The following GABARAPL2 variants were observed in gnomAD, a reference collection of about 807,000 sequenced individuals.
The protein encoded by GABARAPL2 is GABA type A receptor associated protein like 2, also known as gamma-aminobutyric acid receptor-associated protein-like 2.
In GABARAPL2, 11 loss-of-function variants were observed where a neutral mutation model predicts 16.9. The ratio of observed to expected loss-of-function variants is 0.65; its 90% CI spans 0.41 to 1.08. The LOEUF is 1.08. Among genes scored for constraint, GABARAPL2 ranks in the 50% least tolerant of loss-of-function variants. GABARAPL2 has a pLI of 0.00. For synonymous variants in GABARAPL2, 57 were observed against 50.7 expected (o/e 1.12, Z -0.53); for missense variants, 134 against 142.5 (o/e 0.94, Z 0.30).
chr16:75,570,128 C>G (rs931904408), intron 3 of GABARAPL2, among the ~76,000 whole-genome samples: 7 of 152,022 alleles, frequency 4.6e-5, no homozygotes, highest in Non-Finnish European at 7.4e-5. Context: ...CAGAGTCTCA[C>G]TCTGTTGCCC....
intron 3 of GABARAPL2, among the ~76,000 whole-genome samples, chr16:75,568,770 T>C (rs752019974): frequency 6.6e-6 from 1 of 152,262 alleles, no homozygotes; most frequent in African/African-American, 2.4e-5. Flanking sequence ...TGTCAGACTA[T>C]TGTGCTGCCT....
chr16:75,566,976 G>A (rs894360505), intron 2 of GABARAPL2, 69 bp downstream of exon 2: 1 of 1,286,256 alleles, frequency 7.8e-7, no homozygotes, highest in African/African-American at 1.5e-5. Context: ...TAGGCCCCAG[G>A]CCATTCAACA....
intron 2 of GABARAPL2, 66 bp downstream of exon 2, chr16:75,566,973 C>G: frequency 7.6e-7 from 1 of 1,311,460 alleles, no homozygotes; most frequent in Non-Finnish European, 1.1e-6. Context: ...TGATAGGCCC[C>G]AGGCCATTCA....
chr16:75,568,132 G>C lies in GABARAPL2; in HGVS notation c.186G>C (p.Trp62Cys). The C allele has an allele frequency of 6.2e-7, 1 of 1,613,116 alleles. No homozygotes were observed. The highest frequency in any genetic ancestry group is 8.5e-7 in the Non-Finnish European group (1 of 1,179,070). ...ATATCACTGTGGCTCAGTTCATGTGGATCATCAGGAAAAGGATCCAGCTTC... is the reference window on the plus strand; with the variant it reads ...ATATCACTGTGGCTCAGTTCATGTGCATCATCAGGAAAAGGATCCAGCTTC... ...PSDITVAQFM[W>C]IIRKRIQLPS... is the part of the protein sequence containing the mutation. Residue 62 changes from tryptophan (W) to cysteine (C), a missense_variant, in exon 3 of 4, where the codon TGG becomes TGC. Transcript: ENST00000037243.
chr16:75,577,510 G>C lies in GABARAPL2; in HGVS notation c.*141G>C. ...GGATTTATTTCTTAATATATTGGAA[G>C]GTTTTGTTTCCTTAGACTAGTAAAT... On this transcript the variant is annotated 3_prime_UTR_variant, in exon 4 of 4. Coordinates refer to ENST00000037243, the MANE Select transcript of GABARAPL2 (RefSeq NM_007285.7). 1 of 603,390 alleles carries C rather than the reference G, an allele frequency of 1.7e-6. No individual in the cohort carries two copies. The highest frequency in any genetic ancestry group is 2.7e-5 in the East Asian group (1 of 36,666). 37.4% of individuals were successfully genotyped at this position (603,390 alleles called of 1,614,324 possible).
chr16:75,567,991 G>T, intron 2 of GABARAPL2, 46 bp from the exon 3 acceptor site: 1 of 1,495,214 alleles, frequency 6.7e-7, no homozygotes, highest in Non-Finnish European at 9.2e-7. Flanking sequence ...TGAGGCCAGA[G>T]CCTCGCTTTA....
intron 3 of GABARAPL2, among the ~76,000 whole-genome samples, chr16:75,571,403 A>T (rs1265010271): frequency 6.6e-6 from 1 of 152,222 alleles, no homozygotes. Flanking sequence ...TTTGGAAATG[A>T]AAAGTGATTT....
intron 3 of GABARAPL2, among the ~76,000 whole-genome samples, chr16:75,575,259 TC>T (rs2080940802): frequency 6.6e-6 from 1 of 152,072 alleles, no homozygotes; most frequent in Non-Finnish European, 1.5e-5. Flanking sequence ...TTAAGAATTT[TC>T]TAGTAGCCAC....
Position 75,566,384 on chromosome 16 carries a change from C to G in GABARAPL2, c.-103C>G. On this transcript the variant is annotated 5_prime_UTR_variant, in exon 1 of 4. Coordinates refer to ENST00000037243, the MANE Select transcript of GABARAPL2 (RefSeq NM_007285.7). ...GGAAGTCCCGCCTGCCGTGTAGTCG[C>G]CGCCGTCGCTGCCGCTGCCGCTGCC... The G allele has an allele frequency of 1.2e-6, 1 of 853,884 alleles. No individual in the cohort carries two copies. The highest frequency in any genetic ancestry group is 1.9e-6 in the Non-Finnish European group (1 of 527,854). 52.9% of individuals were successfully genotyped at this position (853,884 alleles called of 1,614,324 possible).
At chr16:75,573,672 T>A (rs371233304) in intron 3 of GABARAPL2, among the ~76,000 whole-genome samples, 1 of 152,222 alleles carries the variant, frequency 6.6e-6, no homozygotes, top group African/African-American at 2.4e-5. Context: ...ACCTGGGAGC[T>A]TGATGTTCCG....
chr16:75,574,044 C>CA (rs1371002730), intron 3 of GABARAPL2, among the ~76,000 whole-genome samples: 2 of 152,176 alleles, frequency 1.3e-5, no homozygotes, highest in African/African-American at 4.8e-5. Flanking sequence ...TTAATGAACC[C>CA]AAGTTTTACT....
At position 75,566,870 on chromosome 16, in the gene GABARAPL2, C is replaced by T; in HGVS notation, c.53C>T (p.Ser18Phe). 1 of 1,613,554 alleles carries T rather than the reference C, an allele frequency of 6.2e-7. No homozygotes were observed. Among genetic ancestry groups the T allele is most frequent in the Non-Finnish European group, 8.5e-7 (1 of 1,179,880 alleles). Residue 18 changes from serine (S) to phenylalanine (F), a missense_variant, in exon 2 of 4, where the codon TCC (serine) becomes TTC (phenylalanine). By Grantham distance (155) the Ser-to-Phe change is radical. Transcript: ENST00000037243. ...CCCACAGAACACAGATGCGTGGAGT[C>T]CGCGAAGATTCGAGCGAAATATCCC... is the stretch of plus-strand genomic sequence containing the variant. The part of the protein sequence containing the change: ...DHSLEHRCVE[S>F]AKIRAKYPDR...
chr16:75,570,614 G>A (rs2080908950), intron 3 of GABARAPL2, among the ~76,000 whole-genome samples: 2 of 152,226 alleles, frequency 1.3e-5, no homozygotes, highest in Admixed American at 1.3e-4. Context: ...CTGAAGGGGA[G>A]TGAGTTCTCA....
At chr16:75,573,889 A>T (rs1259262901) in intron 3 of GABARAPL2, among the ~76,000 whole-genome samples, 1 of 152,212 alleles carries the variant, frequency 6.6e-6, no homozygotes, top group Non-Finnish European at 1.5e-5. Flanking sequence ...ACTATGGATT[A>T]TGGTACCATC....
chr16:75,572,807 G>C (rs527768327), intron 3 of GABARAPL2: 1 of 152,280 alleles, frequency 6.6e-6, no homozygotes, highest in South Asian at 2.1e-4. Context: ...TCAGAGCTTG[G>C]AAGGTGGCAG....
intron 3 of GABARAPL2, among the ~76,000 whole-genome samples, chr16:75,568,681 A>G (rs574559216): frequency 4.4e-4 from 67 of 152,224 alleles, no homozygotes; most frequent in Non-Finnish European, 7.1e-4. Flanking sequence ...CTCAAGTCTG[A>G]CAAAATGACT....
At chr16:75,566,962 G>A in intron 2 of GABARAPL2, 55 bp downstream of exon 2, 1 of 1,377,566 alleles carries the variant, frequency 7.3e-7, no homozygotes, top group Non-Finnish European at 1.0e-6. Flanking sequence ...TCTGGGACCC[G>A]TGATAGGCCC....
Position 75,568,369 on chromosome 16 carries a change from C to T in GABARAPL2, c.263+160C>T, listed in dbSNP as rs1597057741. 5.5e-6 allele frequency: 3 copies of T among 548,608 alleles called. No individual in the cohort carries two copies. The South Asian group carries it at 8.2e-5, about 15-fold the overall frequency. 34.0% of individuals were successfully genotyped at this position (548,608 alleles called of 1,614,324 possible). On this transcript the variant is annotated intron_variant, in intron 3 of 3. Transcript: ENST00000037243. ...AGGGGCTCCAGGAAAATAATGGCTGCAATACATAAGAGTGCATTTTGGATT... is the reference window on the plus strand; with the variant it reads ...AGGGGCTCCAGGAAAATAATGGCTGTAATACATAAGAGTGCATTTTGGATT...
chr16:75,575,878 A>G (rs1371906147), intron 3 of GABARAPL2: 1 of 152,220 alleles, frequency 6.6e-6, no homozygotes, highest in Admixed American at 6.5e-5. Context: ...TATCATTTCA[A>G]CATGTAATCA....
Sources: gnomAD v4.1 joint callset for allele counts (sites outside exome capture counted in the v4.1 genomes callset) on GRCh38, gnomAD v4.1.1 for gene constraint, MANE v1.5 for transcripts, NCBI Gene and HGNC (gene_info 2026-07-23, HGNC 2026-07-21) for gene names.